Variants in RDH12 observed in about 807,000 individuals in gnomAD.
The protein encoded by RDH12 is retinol dehydrogenase 12.
In RDH12, 21 loss-of-function variants were observed where a neutral mutation model predicts 34.0. The observed-to-expected ratio is 0.62, with a 90% CI of 0.44 to 0.89. The LOEUF (loss-of-function observed/expected upper bound fraction) is 0.89. Ranked by LOEUF, RDH12 falls within the 40% of genes least tolerant of loss-of-function variation. The pLI is 0.00. For synonymous variants in RDH12, 198 were observed against 169.9 expected, an observed-to-expected ratio of 1.17 and a Z score of -1.29; for missense variants, 394 against 398.6, an observed-to-expected ratio of 0.99 and a Z score of 0.10.
intron 7 of RDH12, among the ~76,000 whole-genome samples, chr14:67,728,845 C>T (rs528999486): frequency 3.3e-5 from 5 of 152,190 alleles, no homozygotes; most frequent in African/African-American, 1.2e-4. Context: ...TAAACTCCTC[C>T]TTTAGAAATG....
intron 1 of RDH12, among the ~76,000 whole-genome samples, chr14:67,710,604 T>A (rs2037999733): frequency 6.6e-6 from 1 of 152,068 alleles, no homozygotes; most frequent in African/African-American, 2.4e-5. Flanking sequence ...AAAAAAATCT[T>A]TATTTTTATA....
chr14:67,729,676 A>C (rs2038242204), intron 8 of RDH12: 2 of 582,560 alleles, frequency 3.4e-6, no homozygotes, highest in Admixed American at 2.3e-5. Context: ...TGCCATGGAG[A>C]TCTGGATCGT....
In RDH12 at chr14:67,729,270, G is replaced by A. The variant is rs752438534; in HGVS notation, c.738G>A (p.Leu246=). 6.2e-7 allele frequency: 1 copy of A among 1,606,612 alleles called. No individual in the cohort carries two copies. The change falls in exon 8 of 9, where the codon CTG becomes CTA. Residue 246 remains leucine (L), a synonymous_variant. Coordinates refer to ENST00000551171, the MANE Select transcript of RDH12 (RefSeq NM_152443.3). ...ELVRHSSLLC[L]LWRLFSPFVK... ...TCCGGCACTCCTCCCTGCTCTGCCT[G>A]CTCTGGCGGCTCTTCTCCCCCTTTG...
chr14:67,732,640 G>T (rs1342479193), intron 8 of RDH12, among the ~76,000 whole-genome samples: 3 of 151,860 alleles, frequency 2.0e-5, no homozygotes, highest in Non-Finnish European at 4.4e-5. Context: ...TCAGTGGCGT[G>T]ATCTCCACTC....
intron 1 of RDH12, chr14:67,714,433 A>G (rs1374906271): frequency 2.0e-5 from 3 of 152,090 alleles, no homozygotes; most frequent in African/African-American, 4.8e-5. Context: ...CTCTGTGCCC[A>G]GCTTTGTTTT....
At position 67,709,350 on chromosome 14, in the gene RDH12, T is replaced by G. The variant is rs532635760; in HGVS notation, c.-275+7415T>G. 5.2e-4 allele frequency among the ~76,000 whole-genome samples: 79 copies of G among 152,310 alleles called. 1 individual carries two copies. The highest frequency in any genetic ancestry group is 1.8e-3 in the African/African-American group (74 of 41,572). On this transcript the variant is annotated intron_variant, in intron 1 of 8. Transcript: ENST00000551171. ...CTAATAAAAACAGCATGAAGCCAAT[T>G]AAATTCATTTTTCAAAATTTTATAA...
intron 6 of RDH12, 101 bp downstream of exon 6, chr14:67,726,256 G>C (rs2038184609): frequency 3.8e-6 from 3 of 796,042 alleles, no homozygotes; most frequent in Non-Finnish European, 6.8e-6. Flanking sequence ...GGCCTTCATA[G>C]AGCCTAGGAA....
intron 1 of RDH12, among the ~76,000 whole-genome samples, chr14:67,702,990 G>T (rs1594857323): frequency 6.7e-6 from 1 of 149,046 alleles, no homozygotes; most frequent in Admixed American, 6.7e-5. Context: ...ACTTAAAAAA[G>T]TTTTTTTTTT....
Position 67,727,146 on chromosome 14 carries a change from T to C in RDH12, c.614T>C (p.Leu205Pro), listed in dbSNP as rs1249275637. Residue 205 changes from leucine (L) to proline (P), a missense_variant, in exon 7 of 9, where the codon CTG (leucine) becomes CCG (proline). Leu to Pro is a moderately conservative substitution (Grantham distance 98, BLOSUM62 -3). Coordinates refer to ENST00000551171, the MANE Select transcript of RDH12 (RefSeq NM_152443.3). ...GGTTTTGCCTATTGCCACAGCAAGCTGGCCAATGTGCTTTTTACTCGTGAG... is the reference window on the plus strand; with the variant it reads ...GGTTTTGCCTATTGCCACAGCAAGCCGGCCAATGTGCTTTTTACTCGTGAG... ...SRGFAYCHSK[L>P]ANVLFTRELA... 6 of 1,614,008 alleles carry C rather than the reference T, an allele frequency of 3.7e-6. No individual in the cohort carries two copies. Among genetic ancestry groups the C allele is most frequent in the Non-Finnish European group, 5.1e-6 (6 of 1,180,040 alleles).
chr14:67,728,703 T>TAG (rs146484340), intron 7 of RDH12, among the ~76,000 whole-genome samples: 7 of 142,154 alleles, frequency 4.9e-5, no homozygotes, highest in Non-Finnish European at 6.1e-5. Context: ...GGATATCTTG[T>TAG]GGGGGGGGGG....
At position 67,724,582 on chromosome 14, in the gene RDH12, G is replaced by A. The variant is rs749038454; in HGVS notation, c.178G>A (p.Ala60Thr). Residue 60 changes from alanine (A) to threonine (T), a missense_variant, in exon 4 of 9, where the codon GCT becomes ACT. Physicochemically the swap from Ala to Thr is moderately conservative, Grantham distance 58. Coordinates refer to ENST00000551171, the MANE Select transcript of RDH12 (RefSeq NM_152443.3). ...TGGCAAGGAGACGGCCAGAGAGCTC[G>A]CTAGCCGAGGTAAGTGTTTCCCCTT... is the stretch of plus-strand genomic sequence containing the variant. The part of the protein sequence containing the change: ...GIGKETAREL[A>T]SRGARVYIAC... 6.8e-6 allele frequency: 11 copies of A among 1,611,646 alleles called. No homozygotes were observed. Among genetic ancestry groups the A allele is most frequent in the African/African-American group, 4.0e-5 (3 of 74,826 alleles).
chr14:67,733,710 C>T (rs764996921), intron 8 of RDH12, 36 bp from the exon 9 acceptor site: 1 of 1,409,088 alleles, frequency 7.1e-7, no homozygotes, highest in South Asian at 1.2e-5. Context: ...TGCTAATTCT[C>T]ATTCCTGGAA....
intron 1 of RDH12, chr14:67,715,228 G>T (rs890716935): frequency 1.3e-5 from 2 of 151,760 alleles, no homozygotes; most frequent in Non-Finnish European, 2.9e-5. Flanking sequence ...AAATAAAAGG[G>T]GGGGAGCCCC....
intron 1 of RDH12, among the ~76,000 whole-genome samples, chr14:67,709,547 T>C (rs2140113031): frequency 6.6e-6 from 1 of 152,350 alleles, no homozygotes; most frequent in South Asian, 2.1e-4. Context: ...GATTAACATG[T>C]AGAGAAACAG....
intron 3 of RDH12, among the ~76,000 whole-genome samples, chr14:67,723,406 A>T (rs1176944428): frequency 6.6e-6 from 1 of 152,066 alleles, no homozygotes; most frequent in Non-Finnish European, 1.5e-5. Context: ...GCTACTTTTT[A>T]AATTTTTTGT....
chr14:67,717,336 A>G (rs2038079401), intron 1 of RDH12, among the ~76,000 whole-genome samples: 1 of 152,208 alleles, frequency 6.6e-6, no homozygotes, highest in Admixed American at 6.5e-5. Context: ...GCCATTGTAG[A>G]CTAATGGAGT....
intron 1 of RDH12, among the ~76,000 whole-genome samples, chr14:67,702,267 C>T (rs1354689908): frequency 1.3e-5 from 2 of 152,112 alleles, no homozygotes; most frequent in African/African-American, 4.8e-5. Context: ...CCATGCCTGG[C>T]CTGTGCTCAG....
At chr14:67,724,413 G>A (rs1418168432) in intron 3 of RDH12, 60 bp from the exon 4 acceptor site, 6 of 840,640 alleles carry the variant, frequency 7.1e-6, no homozygotes, top group Admixed American at 2.1e-5. Context: ...TTTTTTTAAC[G>A]TATCTTAGTG....
chr14:67,711,107 TA>T (rs374740220), intron 1 of RDH12, among the ~76,000 whole-genome samples: 1 of 152,328 alleles, frequency 6.6e-6, no homozygotes, highest in Non-Finnish European at 1.5e-5. Flanking sequence ...ACAAAGACGA[TA>T]ACAAACCTTA....
Sources: allele counts gnomAD v4.1 joint callset (sites outside exome capture counted in the v4.1 genomes callset), GRCh38; gene constraint gnomAD v4.1.1; transcripts MANE v1.5; gene names NCBI Gene and HGNC (gene_info 2026-07-23, HGNC 2026-07-21).